Variants in ABTB2 observed in about 807,000 individuals in gnomAD.
ABTB2 encodes the protein ankyrin repeat and BTB/POZ domain-containing protein 2.
In ABTB2, 56 loss-of-function variants were observed where a neutral mutation model predicts 104.1. The ratio of observed to expected loss-of-function variants is 0.54; its 90% CI spans 0.43 to 0.67. The LOEUF (loss-of-function observed/expected upper bound fraction) is 0.67. Among genes scored for constraint, ABTB2 ranks in the 30% least tolerant of loss-of-function variants. The pLI is 0.00. For missense variants in ABTB2, 1,279 were observed against 1,407.7 expected, an observed-to-expected ratio of 0.91 and a Z score of 1.46; for synonymous variants, 606 against 608.2, an observed-to-expected ratio of 1.00 and a Z score of 0.05.
chr11:34,306,795 T>C (rs1444181693), intron 1 of ABTB2, among the ~76,000 whole-genome samples: 9 of 151,806 alleles, frequency 5.9e-5, no homozygotes, highest in Admixed American at 4.6e-4. Flanking sequence ...TATCTTTTCC[T>C]TTTTATAGAC....
chr11:34,167,169 C>T, intron 7 of ABTB2, 90 bp downstream of exon 7: 4 of 1,236,084 alleles, frequency 3.2e-6, no homozygotes, highest in Non-Finnish European at 4.6e-6. Flanking sequence ...ATTCAGGGCA[C>T]CTGCCCACTC....
chr11:34,193,557 C>A (rs896293537), intron 3 of ABTB2, among the ~76,000 whole-genome samples: 7 of 152,252 alleles, frequency 4.6e-5, no homozygotes, highest in Non-Finnish European at 1.0e-4. Context: ...CACTTATCAG[C>A]CAGGTACCCC....
intron 2 of ABTB2, among the ~76,000 whole-genome samples, chr11:34,200,079 G>A (rs1853317653): frequency 6.6e-6 from 1 of 152,138 alleles, no homozygotes; most frequent in African/African-American, 2.4e-5. Flanking sequence ...CCGCCTCACA[G>A]CAGCCAGTTG....
intron 1 of ABTB2, among the ~76,000 whole-genome samples, chr11:34,323,906 C>CTTTTT (rs56375939): frequency 5.3e-4 from 34 of 63,898 alleles, no homozygotes; most frequent in Non-Finnish European, 7.2e-4. Context: ...TAAATTCCCT[C>CTTTTT]TTTTTTTTTT....
In ABTB2 at chr11:34,154,729, A is replaced by G. The variant is rs749892193; in HGVS notation, c.2738T>C (p.Met913Thr). The G allele has an allele frequency of 1.9e-6, 3 of 1,613,886 alleles. No homozygotes were observed. The highest frequency in any genetic ancestry group is 1.7e-6 in the Non-Finnish European group (2 of 1,179,900). The change falls in exon 15 of 17, where the codon ATG becomes ACG. Residue 913 changes from methionine (M) to threonine (T), a missense_variant. Transcript: ENST00000435224. This position sits in a 1 kb window ranked among gnomAD's most constrained non-coding sequence, Gnocchi z 4.9. ...QYLYYGGTES[M>T]EIPTTDILEL... ...CAGGATGTCAGTGGTGGGGATCTCC[A>G]TGGATTCTGTTCCTCCGTAGTACAG...
chr11:34,312,140 C>CAAAAAA (rs67673538), intron 1 of ABTB2, among the ~76,000 whole-genome samples: 11 of 111,148 alleles, frequency 9.9e-5, no homozygotes, highest in South Asian at 2.9e-4. Context: ...GACTCCATCT[C>CAAAAAA]AAAAAAAAAA....
chr11:34,166,081 A>G (rs915163687), intron 7 of ABTB2, among the ~76,000 whole-genome samples: 8 of 152,282 alleles, frequency 5.3e-5, no homozygotes, highest in South Asian at 2.1e-4. Context: ...CATTACTCCA[A>G]CTGGTGACTT....
chr11:34,160,200 G>C, intron 12 of ABTB2, 48 bp downstream of exon 12: 1 of 1,492,826 alleles, frequency 6.7e-7, no homozygotes, highest in Non-Finnish European at 9.3e-7. Context: ...GGAAAGGGAA[G>C]AGGGGGAGGA....
In ABTB2 at chr11:34,314,814, A is replaced by T. The variant is rs547289061; in HGVS notation, c.883+41887T>A. ...TTCAAGGCAGTGATAGCTGATCATTAAGCCAAGTGTGGAGCCCTTCTGAGT... is the reference window on the plus strand; with the variant it reads ...TTCAAGGCAGTGATAGCTGATCATTTAGCCAAGTGTGGAGCCCTTCTGAGT... On this transcript the variant is annotated intron_variant, in intron 1 of 16. Coordinates refer to ENST00000435224, the MANE Select transcript of ABTB2 (RefSeq NM_145804.3). Among the ~76,000 whole-genome samples the T allele has an allele frequency of 1.1e-4, 16 of 152,356 alleles. No homozygotes were observed. In the South Asian group the frequency reaches 3.3e-3, roughly 32 times the overall value.
chr11:34,166,402 G>A (rs1224872297), intron 7 of ABTB2, among the ~76,000 whole-genome samples: 1 of 152,264 alleles, frequency 6.6e-6, no homozygotes, highest in East Asian at 1.9e-4. Flanking sequence ...GCAAGCTCAG[G>A]GCACAGCCCT....
chr11:34,245,413 G>A (rs76051444), intron 1 of ABTB2, among the ~76,000 whole-genome samples: 7,735 of 152,212 alleles, frequency 0.051, 237 homozygotes, highest in Non-Finnish European at 0.062. Context: ...ATCCACTTCC[G>A]GCATCTTTCT....
intron 9 of ABTB2, 148 bp downstream of exon 9, chr11:34,164,538 C>T: frequency 1.0e-6 from 1 of 983,554 alleles, no homozygotes; most frequent in South Asian, 2.4e-5. Context: ...TAAACTCCCC[C>T]ATGTTTCTGG....
At position 34,167,942 on chromosome 11, in the gene ABTB2, G is replaced by A. The variant is rs748751701; in HGVS notation, c.1614C>T (p.Val538=). ...TTGCCCCAGCATCAATCAACATCTGGACCATCGCTTCGTCCCCAGCAGCGC... is the reference window on the plus strand; with the variant it reads ...TTGCCCCAGCATCAATCAACATCTGAACCATCGCTTCGTCCCCAGCAGCGC... The part of the protein sequence containing the change: ...YACAAGDEAM[V]QMLIDAGANL... Residue 538 remains valine (V), a synonymous_variant, in exon 6 of 17, where the codon GTC becomes GTT. Transcript: ENST00000435224. 6 of 1,614,240 alleles carry A rather than the reference G, an allele frequency of 3.7e-6. No homozygotes were observed. Among genetic ancestry groups the A allele is most frequent in the Non-Finnish European group, 4.2e-6 (5 of 1,180,046 alleles).
chr11:34,316,947 G>A (rs1307927734), intron 1 of ABTB2, among the ~76,000 whole-genome samples: 1 of 152,180 alleles, frequency 6.6e-6, no homozygotes, highest in Non-Finnish European at 1.5e-5. Context: ...AGAACAGAAA[G>A]ATCTGGACGA....
At position 34,160,585 on chromosome 11, in the gene ABTB2, C is replaced by T. The variant is rs181207441; in HGVS notation, c.2398-232G>A. ...GCCCCTGCCCTCTACAGCCAGGCAG[C>T]GCAAGTCTAAGTCTGGGTGCTGTGT... On this transcript the variant is annotated intron_variant, in intron 11 of 16. Transcript: ENST00000435224. Among the ~76,000 whole-genome samples the T allele has an allele frequency of 4.8e-3, 725 of 150,074 alleles. 8 individuals carry two copies. The highest frequency in any genetic ancestry group is 0.017 in the African/African-American group (683 of 40,862).
chr11:34,288,620 G>A (rs967249699), intron 1 of ABTB2, among the ~76,000 whole-genome samples: 1 of 152,128 alleles, frequency 6.6e-6, no homozygotes, highest in Admixed American at 6.6e-5. Flanking sequence ...CGGCCCAGGA[G>A]GAGGGTAGGG....
At chr11:34,170,451 AG>A (rs1453606895) in intron 5 of ABTB2, among the ~76,000 whole-genome samples, 1 of 152,190 alleles carries the variant, frequency 6.6e-6, no homozygotes, top group African/African-American at 2.4e-5. Context: ...TTTAGTCCTC[AG>A]CACTTTAACA....
At chr11:34,315,276 G>A (rs988407770) in intron 1 of ABTB2, among the ~76,000 whole-genome samples, 1 of 152,208 alleles carries the variant, frequency 6.6e-6, no homozygotes, top group Non-Finnish European at 1.5e-5. Context: ...AGGGCACTGA[G>A]GTTCCTGGGT....
intron 1 of ABTB2, among the ~76,000 whole-genome samples, chr11:34,350,762 A>G (rs761097104): frequency 1.4e-4 from 22 of 152,244 alleles, no homozygotes; most frequent in Admixed American, 9.2e-4. Context: ...CCTAGCTGCC[A>G]TCTGAATGGG....
Sources: allele counts gnomAD v4.1 joint callset (sites outside exome capture counted in the v4.1 genomes callset), GRCh38; gene constraint gnomAD v4.1.1; non-coding constraint Gnocchi (gnomAD v3.1); transcripts MANE v1.5; gene names NCBI Gene and HGNC (gene_info 2026-07-23, HGNC 2026-07-21).